The following EPC1 variants were observed in gnomAD, a reference collection of about 807,000 sequenced individuals.
The protein encoded by EPC1 is enhancer of polycomb homolog 1.
In EPC1, 12 loss-of-function variants were observed where a neutral mutation model predicts 98.4. That is an observed-to-expected ratio of 0.12 (90% confidence interval 0.08 to 0.20). The LOEUF is 0.20. EPC1 is among the 10% of genes least tolerant of loss of function. The pLI, the probability that EPC1 is intolerant of heterozygous loss-of-function variation, is 1.00. For missense variants in EPC1, 729 were observed against 990.5 expected, an observed-to-expected ratio of 0.74 and a Z score of 3.54; for synonymous variants, 357 against 363.9, an observed-to-expected ratio of 0.98 and a Z score of 0.21.
intron 1 of EPC1, among the ~76,000 whole-genome samples, chr10:32,330,284 C>T (rs1837564161): frequency 6.6e-6 from 1 of 152,172 alleles, no homozygotes; most frequent in Non-Finnish European, 1.5e-5. Context: ...GCAATAGAGA[C>T]AATAACATCT....
intron 10 of EPC1, among the ~76,000 whole-genome samples, chr10:32,280,280 C>A (rs1281291445): frequency 6.6e-6 from 1 of 152,102 alleles, no homozygotes; most frequent in East Asian, 1.9e-4. Context: ...CATGGTGAAA[C>A]CCCGTCTCTA....
intron 2 of EPC1, among the ~76,000 whole-genome samples, chr10:32,301,905 C>A (rs1176569084): frequency 1.3e-5 from 2 of 151,868 alleles, no homozygotes; most frequent in East Asian, 3.9e-4. Context: ...GAAACTGGAT[C>A]TCATCAAAAT....
At chr10:32,282,063 A>ATGCAGAGAAAAGCTTTAGGTC (rs1836438594) in intron 10 of EPC1, 1 of 152,152 alleles carries the variant, frequency 6.6e-6, no homozygotes, top group South Asian at 2.1e-4. Context: ...TTTATAAAGT[A>ATGCAGAGAAAAGCTTTAGGTC]TGCAGAGAAA....
Position 32,355,902 on chromosome 10 carries a change from C to T in EPC1, c.3+22589G>A, listed in dbSNP as rs577806683. 8.5e-5 allele frequency among the ~76,000 whole-genome samples: 13 copies of T among 152,296 alleles called. No individual in the cohort carries two copies. The South Asian group carries it at 2.7e-3, about 32-fold the overall frequency. The stretch of plus-strand genomic sequence containing the variant: ...CTGGGATTACAGGTGTAAGCCACTG[C>T]ACCTGGCCAGTGCCTTACACTTTTG... On this transcript the variant is annotated intron_variant, in intron 1 of 13. Coordinates refer to the EPC1 transcript ENST00000375110.
chr10:32,364,845 T>G (rs975991395), intron 1 of EPC1, among the ~76,000 whole-genome samples: 8 of 152,128 alleles, frequency 5.3e-5, no homozygotes, highest in African/African-American at 1.9e-4. Context: ...CCAGGACAGC[T>G]TTGAATGCAG....
intron 1 of EPC1, among the ~76,000 whole-genome samples, chr10:32,326,045 G>A (rs1264647424): frequency 6.6e-6 from 1 of 152,152 alleles, no homozygotes; most frequent in Non-Finnish European, 1.5e-5. Context: ...ATGGCTTGAT[G>A]AATTTATACC....
intron 2 of EPC1, among the ~76,000 whole-genome samples, 184 bp downstream of exon 2, chr10:32,305,588 C>T (rs905648341): frequency 4.0e-5 from 6 of 151,220 alleles, no homozygotes; most frequent in Middle Eastern, 3.2e-3. Flanking sequence ...ATAATAAATG[C>T]TATCTTTTCT....
chr10:32,322,256 T>C (rs1836972728), intron 1 of EPC1, among the ~76,000 whole-genome samples: 1 of 152,028 alleles, frequency 6.6e-6, no homozygotes, highest in South Asian at 2.1e-4. Flanking sequence ...AATTTGTTAG[T>C]TCTTCCTCTG....
At chr10:32,277,072 C>A (rs918681706) in intron 10 of EPC1, among the ~76,000 whole-genome samples, 1 of 152,068 alleles carries the variant, frequency 6.6e-6, no homozygotes, top group African/African-American at 2.4e-5. Flanking sequence ...GAAAAGAGAA[C>A]CCCAAAGCAA....
At chr10:32,375,204 T>G (rs1234850369) in intron 1 of EPC1, among the ~76,000 whole-genome samples, 2 of 152,068 alleles carry the variant, frequency 1.3e-5, no homozygotes, top group Non-Finnish European at 2.9e-5. Flanking sequence ...CAATTTCAGG[T>G]CTATATTGTG....
At chr10:32,342,710 A>T (rs895294173) in intron 1 of EPC1, among the ~76,000 whole-genome samples, 30 of 152,184 alleles carry the variant, frequency 2.0e-4, no homozygotes, top group African/African-American at 2.4e-5. Flanking sequence ...GTAACAGGAG[A>T]GGAAAGGTTA....
At chr10:32,292,379 C>T in intron 5 of EPC1, 117 bp downstream of exon 5, 1 of 723,764 alleles carries the variant, frequency 1.4e-6, no homozygotes, top group Middle Eastern at 4.2e-4. Context: ...TTTAAAGTCT[C>T]TATTATTAAA....
intron 1 of EPC1, among the ~76,000 whole-genome samples, chr10:32,363,224 C>CCACCACA (rs1839494177): frequency 6.6e-6 from 1 of 152,124 alleles, no homozygotes; most frequent in South Asian, 2.1e-4. Context: ...CAGGCATGTG[C>CCACCACA]CACCACACCT....
intron 1 of EPC1, among the ~76,000 whole-genome samples, chr10:32,315,209 C>T (rs1450509173): frequency 6.6e-6 from 1 of 152,052 alleles, no homozygotes; most frequent in Non-Finnish European, 1.5e-5. Flanking sequence ...AATATTTTGG[C>T]TTACTGTAGG....
At chr10:32,348,119 C>T (rs1274533090), upstream of EPC1, among the ~76,000 whole-genome samples, 1 of 152,190 alleles carries the variant, frequency 6.6e-6, no homozygotes, top group Non-Finnish European at 1.5e-5. Context: ...CATTTGTCCT[C>T]TGAAAAACTT....
intron 1 of EPC1, among the ~76,000 whole-genome samples, chr10:32,367,061 T>A (rs1017210061): frequency 6.6e-6 from 1 of 152,234 alleles, no homozygotes; most frequent in East Asian, 1.9e-4. Context: ...AGTGGCACAA[T>A]CTTGGCTCAC....
chr10:32,306,047 T>C, intron 1 of EPC1, 116 bp from the exon 2 acceptor site: 1 of 880,020 alleles, frequency 1.1e-6, no homozygotes. Context: ...ATTCTAGTAG[T>C]AGATCTTAAA....
Position 32,291,084 on chromosome 10 carries a change from GTTTTTC to G in EPC1, c.975+73_975+78del. On this transcript the variant is annotated intron_variant, in intron 6 of 13. Coordinates refer to ENST00000319778, the MANE Select transcript of EPC1 (RefSeq NM_001272004.3). ...GAGCCACTGTGCCCGGCCTATGTGTGTTTTTCTTTTTAACTTTCATTCTAATGATAA... is the reference window on the plus strand; with the variant it reads ...GAGCCACTGTGCCCGGCCTATGTGTGTTTTTAACTTTCATTCTAATGATAA... 7 of 1,384,116 alleles carry G rather than the reference GTTTTTC, an allele frequency of 5.1e-6. No homozygotes were observed. In the Admixed American group the frequency reaches 5.7e-5, roughly 11 times the overall value. The allele number at this position is 1,384,116 out of a possible 1,614,324, so 85.7% of individuals were successfully genotyped here. A position where few individuals can be genotyped will look rare whatever the true frequency, so the allele number is the denominator to read the frequency against.
chr10:32,281,159 C>T (rs1343230455), intron 10 of EPC1, among the ~76,000 whole-genome samples: 3 of 152,228 alleles, frequency 2.0e-5, no homozygotes, highest in Admixed American at 1.3e-4. Context: ...CTCAGCCTCC[C>T]GAGTAGCAGG....
Sources: gnomAD v4.1 joint callset for allele counts (sites outside exome capture counted in the v4.1 genomes callset) on GRCh38, gnomAD v4.1.1 for gene constraint, MANE v1.5 for transcripts, NCBI Gene and HGNC (gene_info 2026-07-23, HGNC 2026-07-21) for gene names.